Variants in HECW2 observed in about 807,000 individuals in gnomAD.
The protein encoded by HECW2 is E3 ubiquitin-protein ligase HECW2.
In HECW2, 61 loss-of-function variants were observed where a neutral mutation model predicts 175.2. The ratio of observed to expected loss-of-function variants is 0.35; its 90% CI spans 0.28 to 0.43. The LOEUF is 0.43. Ranked by LOEUF, HECW2 falls within the 20% of genes least tolerant of loss-of-function variation. The probability of loss-of-function intolerance (pLI) is 1.00; values close to 1 mark genes in which losing one functional copy is unlikely to be tolerated. For synonymous variants in HECW2, 671 were observed against 731.0 expected (o/e 0.92, Z 1.32); for missense variants, 1,524 against 2,000.5 (o/e 0.76, Z 4.54).
At chr2:196,428,462 G>C (rs1049393466) in intron 2 of HECW2, among the ~76,000 whole-genome samples, 4 of 152,124 alleles carry the variant, frequency 2.6e-5, no homozygotes, top group African/African-American at 4.8e-5. Context: ...ATCTTTTCCT[G>C]TTCTAGCATG....
At chr2:196,446,221 T>G (rs774468123) in intron 1 of HECW2, among the ~76,000 whole-genome samples, 12 of 152,206 alleles carry the variant, frequency 7.9e-5, no homozygotes, top group Admixed American at 2.6e-4. Context: ...TGCTATTCCC[T>G]CTGCTCTTCT....
chr2:196,534,754 G>C (rs1372623531), intron 1 of HECW2, among the ~76,000 whole-genome samples: 2 of 152,184 alleles, frequency 1.3e-5, no homozygotes, highest in East Asian at 3.8e-4. Flanking sequence ...TCCATTGTCA[G>C]TCTCTACTGT....
intron 2 of HECW2, among the ~76,000 whole-genome samples, chr2:196,404,992 T>TG (rs1284260827): frequency 7.7e-4 from 1 of 1,298 alleles, no homozygotes; most frequent in African/African-American, 8.3e-4. Context: ...TCCCGGCAAA[T>TG]TTTTTTTTTT....
chr2:196,536,306 G>A (rs888275697), intron 1 of HECW2, among the ~76,000 whole-genome samples: 2 of 152,234 alleles, frequency 1.3e-5, no homozygotes, highest in Admixed American at 1.3e-4. Context: ...GTACACCTAG[G>A]TGCATGGTTT....
At chr2:196,576,424 G>C (rs1417626005) in intron 1 of HECW2, among the ~76,000 whole-genome samples, 1 of 152,160 alleles carries the variant, frequency 6.6e-6, no homozygotes, top group East Asian at 1.9e-4. Flanking sequence ...CAACATGAAT[G>C]AACCTGGAAG....
At chr2:196,347,828 G>A (rs1693015025) in intron 2 of HECW2, among the ~76,000 whole-genome samples, 1 of 152,214 alleles carries the variant, frequency 6.6e-6, no homozygotes, top group Non-Finnish European at 1.5e-5. Context: ...TATTCTAGAT[G>A]GAAATTTTTC....
chr2:196,359,025 T>C (rs1015933053), intron 2 of HECW2, among the ~76,000 whole-genome samples: 6 of 152,186 alleles, frequency 3.9e-5, no homozygotes, highest in African/African-American at 1.4e-4. Flanking sequence ...CCTAACACAA[T>C]GAAACCAGGA....
chr2:196,226,809 A>T (rs971283868), intron 22 of HECW2, among the ~76,000 whole-genome samples: 1 of 152,212 alleles, frequency 6.6e-6, no homozygotes, highest in Admixed American at 6.5e-5. Flanking sequence ...CCATTCAAGA[A>T]TTGTGCACAT....
intron 1 of HECW2, among the ~76,000 whole-genome samples, chr2:196,487,250 G>A (rs958705873): frequency 6.6e-6 from 1 of 152,144 alleles, no homozygotes; most frequent in South Asian, 2.1e-4. Flanking sequence ...GGATGTTGAG[G>A]TGGCAGTCAG....
intron 1 of HECW2, among the ~76,000 whole-genome samples, chr2:196,438,898 A>T (rs1396013448): frequency 6.6e-6 from 1 of 152,222 alleles, no homozygotes; most frequent in Non-Finnish European, 1.5e-5. Flanking sequence ...CAAAAGCAGA[A>T]CAGTGTCCCA....
In HECW2 at chr2:196,334,487, G is replaced by A. The variant is rs568885102; in HGVS notation, c.432C>T (p.His144=). 1.2e-5 allele frequency: 19 copies of A among 1,607,682 alleles called. No homozygotes were observed. Among genetic ancestry groups the A allele is most frequent in the South Asian group, 3.3e-5 (3 of 89,736 alleles). The change falls in exon 4 of 29, where the codon CAC becomes CAT. Residue 144 remains histidine, a synonymous_variant. Transcript: ENST00000644978. The part of the protein sequence containing the change: ...PEIKICFKYY[H]GISGALRATT... ...TGGCTCGCAGGGCTCCACTAATGCCGTGGTAATATTTAAAACAGATTTTTA... is the reference window on the plus strand; with the variant it reads ...TGGCTCGCAGGGCTCCACTAATGCCATGGTAATATTTAAAACAGATTTTTA...
At chr2:196,448,676 T>C (rs1239873281) in intron 1 of HECW2, among the ~76,000 whole-genome samples, 1 of 152,204 alleles carries the variant, frequency 6.6e-6, no homozygotes, top group Non-Finnish European at 1.5e-5. Context: ...TTTGCAGATA[T>C]AGAAAGCAAT....
intron 9 of HECW2, among the ~76,000 whole-genome samples, chr2:196,317,768 C>A (rs71422611): frequency 0.032 from 4,879 of 152,100 alleles, 126 homozygotes; most frequent in South Asian, 0.052. Flanking sequence ...AAAAGAAAAT[C>A]ATTCCTATTT....
chr2:196,378,624 T>C lies in HECW2; in HGVS notation c.293-34860A>G, dbSNP rs1324054618. Reference sequence around the variant, plus strand: ...TGCCCACATATTCTGAAAACTGTCATTGAAAATTAAAGAATTAAGCATCAT... The same window carrying C: ...TGCCCACATATTCTGAAAACTGTCACTGAAAATTAAAGAATTAAGCATCAT... On this transcript the variant is annotated intron_variant, in intron 2 of 28. Transcript: ENST00000644978. 2.0e-5 allele frequency among the ~76,000 whole-genome samples: 3 copies of C among 152,330 alleles called. No individual in the cohort carries two copies. The East Asian group carries it at 5.8e-4, about 29-fold the overall frequency.
chr2:196,523,260 C>G (rs1276421523), intron 1 of HECW2, among the ~76,000 whole-genome samples: 47 of 151,514 alleles, frequency 3.1e-4, no homozygotes, highest in African/African-American at 6.8e-4. Flanking sequence ...GTTCACTCAT[C>G]ATTTGGCTCT....
intron 21 of HECW2, among the ~76,000 whole-genome samples, chr2:196,232,255 G>A (rs1688087140): frequency 6.6e-6 from 1 of 152,204 alleles, no homozygotes; most frequent in Non-Finnish European, 1.5e-5. Context: ...GTGGCATTCA[G>A]TTAGAAGTAT....
intron 1 of HECW2, among the ~76,000 whole-genome samples, chr2:196,556,514 A>G (rs1689799721): frequency 6.6e-6 from 1 of 152,122 alleles, no homozygotes; most frequent in South Asian, 2.1e-4. Flanking sequence ...TTCCATTTAT[A>G]AGTGAGATTA....
intron 2 of HECW2, among the ~76,000 whole-genome samples, chr2:196,374,240 G>A (rs894339185): frequency 6.6e-6 from 1 of 152,048 alleles, no homozygotes; most frequent in Non-Finnish European, 1.5e-5. Context: ...TAATAACATG[G>A]AAAACGTTCA....
intron 1 of HECW2, chr2:196,592,814 G>A (rs1691253120): frequency 1.3e-5 from 2 of 151,064 alleles, no homozygotes; most frequent in Admixed American, 6.6e-5. Context: ...GTGGGGACCC[G>A]GCCGCGGGGC....
Sources: gnomAD v4.1 joint callset for allele counts (sites outside exome capture counted in the v4.1 genomes callset) on GRCh38, gnomAD v4.1.1 for gene constraint, MANE v1.5 for transcripts, NCBI Gene and HGNC (gene_info 2026-07-23, HGNC 2026-07-21) for gene names.